PRORP: variants seen among roughly 807,000 people sequenced by gnomAD.
PRORP encodes mitochondrial ribonuclease P catalytic subunit.
In PRORP, 51 loss-of-function variants were observed where a neutral mutation model predicts 59.4. The observed-to-expected ratio is 0.86, with a 90% confidence interval of 0.69 to 1.08. The LOEUF (loss-of-function observed/expected upper bound fraction) is 1.08. Ranked by LOEUF, PRORP falls within the 50% of genes least tolerant of loss-of-function variation. The pLI is 0.00. For missense variants in PRORP, 646 were observed against 690.3 expected (o/e 0.94, Z 0.72); for synonymous variants, 231 against 245.6 (o/e 0.94, Z 0.55).
rs986800472 is a variant in PRORP at position 35,138,855 on chromosome 14, A to G, written c.1167+11244A>G. Among the ~76,000 whole-genome samples the G allele has an allele frequency of 3.5e-5, 5 of 143,996 alleles. 1 individual carries two copies. Among genetic ancestry groups the G allele is most frequent in the African/African-American group, 4.9e-5 (2 of 40,736 alleles). 94.5% of individuals were successfully genotyped at this position (143,996 alleles called of 152,430 possible). ...GCTCAGGCTGGAGTACAGTGGTGCC[A>G]TCTGGGCTCACTGCACCCTCTGTCT... On this transcript the variant is annotated intron_variant, in intron 4 of 7. Transcript: ENST00000534898.
chr14:35,212,895 C>A (rs1371492757), intron 5 of PRORP, among the ~76,000 whole-genome samples: 1 of 152,142 alleles, frequency 6.6e-6, no homozygotes, highest in Non-Finnish European at 1.5e-5. Flanking sequence ...TTTTTTGTCT[C>A]CATTGCCAAT....
At chr14:35,260,870 C>T (rs2050887779) in intron 5 of PRORP, among the ~76,000 whole-genome samples, 1 of 152,170 alleles carries the variant, frequency 6.6e-6, no homozygotes, top group Non-Finnish European at 1.5e-5. Context: ...AATAAAGATC[C>T]TCCTGCTTTA....
chr14:35,271,073 C>T (rs1351242419), intron 7 of PRORP, among the ~76,000 whole-genome samples: 1 of 150,704 alleles, frequency 6.6e-6, no homozygotes. Flanking sequence ...GGCGACAGAG[C>T]AAGACTCCGT....
At chr14:35,215,767 CT>C (rs1391509772) in intron 5 of PRORP, among the ~76,000 whole-genome samples, 60 of 146,018 alleles carry the variant, frequency 4.1e-4, no homozygotes, top group Admixed American at 3.4e-4. Flanking sequence ...CTCTATCTCT[CT>C]TTTTTTTTTT....
chr14:35,235,538 A>G, intron 5 of PRORP: 1 of 579,574 alleles, frequency 1.7e-6, no homozygotes, highest in Non-Finnish European at 3.3e-6. Context: ...GTTCTCCTCC[A>G]AGGTGGTGAT....
intron 4 of PRORP, among the ~76,000 whole-genome samples, chr14:35,140,596 C>T (rs1362581423): frequency 6.9e-6 from 1 of 145,296 alleles, no homozygotes; most frequent in Non-Finnish European, 1.5e-5. Context: ...AGTCCTAAGT[C>T]CAATATATTT....
chr14:35,136,506 C>T (rs1430422437), intron 4 of PRORP, among the ~76,000 whole-genome samples: 1 of 145,196 alleles, frequency 6.9e-6, no homozygotes, highest in Non-Finnish European at 1.5e-5. Context: ...GCCTGAGTAG[C>T]TGGGATTACA....
intron 4 of PRORP, among the ~76,000 whole-genome samples, chr14:35,168,977 A>G (rs905031551): frequency 4.0e-5 from 6 of 148,618 alleles, no homozygotes; most frequent in African/African-American, 1.2e-4. Context: ...AGCTTTTCCT[A>G]TTTCTTTGAT....
At chr14:35,229,779 A>G (rs936278110) in intron 5 of PRORP, among the ~76,000 whole-genome samples, 2 of 151,992 alleles carry the variant, frequency 1.3e-5, no homozygotes, top group African/African-American at 2.4e-5. Context: ...TTCTTTGTCA[A>G]TTTTTTTCAT....
intron 4 of PRORP, among the ~76,000 whole-genome samples, chr14:35,150,401 A>G (rs929450555): frequency 1.3e-5 from 2 of 152,208 alleles, no homozygotes; most frequent in South Asian, 2.1e-4. Context: ...ACTGTCTTAC[A>G]GCAGCACGGT....
chr14:35,231,748 C>T (rs146439295), intron 5 of PRORP, among the ~76,000 whole-genome samples: 2 of 152,218 alleles, frequency 1.3e-5, no homozygotes, highest in African/African-American at 4.8e-5. Flanking sequence ...AGCCATACCC[C>T]AGGGGTCCTT....
intron 4 of PRORP, among the ~76,000 whole-genome samples, chr14:35,166,605 A>G (rs960344479): frequency 6.6e-6 from 1 of 151,910 alleles, no homozygotes; most frequent in Non-Finnish European, 1.5e-5. Flanking sequence ...GCGTGCCACC[A>G]CGCCCAGCTA....
intron 5 of PRORP, among the ~76,000 whole-genome samples, chr14:35,219,936 G>A (rs2049727776): frequency 6.6e-6 from 1 of 152,148 alleles, no homozygotes. Flanking sequence ...AGGTCTTAAA[G>A]TCTACTTGTC....
At chr14:35,269,705 G>T (rs560129600) in intron 6 of PRORP, among the ~76,000 whole-genome samples, 1 of 152,066 alleles carries the variant, frequency 6.6e-6, no homozygotes, top group African/African-American at 2.4e-5. Context: ...AAATACTTCA[G>T]GATAAAGAAA....
intron 5 of PRORP, among the ~76,000 whole-genome samples, chr14:35,199,283 C>T (rs1271599749): frequency 1.3e-5 from 2 of 149,780 alleles, no homozygotes; most frequent in Non-Finnish European, 3.0e-5. Context: ...TGCAGTAAGC[C>T]GAGATTGCAC....
intron 5 of PRORP, among the ~76,000 whole-genome samples, chr14:35,219,689 C>T (rs1183572372): frequency 6.6e-6 from 1 of 152,206 alleles, no homozygotes; most frequent in Non-Finnish European, 1.5e-5. Flanking sequence ...AAATTTATAA[C>T]ATTGCTAGTT....
At chr14:35,169,099 T>A (rs55931137) in intron 4 of PRORP, among the ~76,000 whole-genome samples, 27,922 of 151,604 alleles carry the variant, frequency 0.18, 2,816 homozygotes, top group Admixed American at 0.27. Context: ...CTTTTTTTTT[T>A]ATATAAGTAT....
At chr14:35,235,178 C>T in intron 5 of PRORP, 1 of 655,082 alleles carries the variant, frequency 1.5e-6, no homozygotes, top group South Asian at 1.4e-5. Context: ...GTACATTTAA[C>T]TCAGTTTAGT....
At chr14:35,121,967 T>A (rs2138745027), upstream of PRORP, 3 of 1,614,166 alleles carry the variant, frequency 1.9e-6, no homozygotes, top group Non-Finnish European at 8.5e-7. Flanking sequence ...CATGGCCGAC[T>A]TCCGCGCAGC....
Sources: gnomAD v4.1 joint callset for allele counts (sites outside exome capture counted in the v4.1 genomes callset) on GRCh38, gnomAD v4.1.1 for gene constraint, MANE v1.5 for transcripts, NCBI Gene and HGNC (gene_info 2026-07-23, HGNC 2026-07-21) for gene names.